The following CLNK variants were observed in gnomAD, a reference collection of about 807,000 sequenced individuals.
The protein encoded by CLNK is cytokine-dependent hematopoietic cell linker.
Under a neutral mutation model 68.6 loss-of-function variants are expected in CLNK, and 74 were observed. That is an observed-to-expected ratio of 1.08 (90% CI 0.89 to 1.31). The LOEUF (loss-of-function observed/expected upper bound fraction) is 1.31. Ranked by LOEUF, CLNK falls within the 50% of genes most tolerant of loss-of-function variation. The probability of loss-of-function intolerance (pLI) is 0.00; values close to 1 mark genes in which losing one functional copy is unlikely to be tolerated. For synonymous variants in CLNK, 198 were observed against 172.2 expected, an observed-to-expected ratio of 1.15 and a Z score of -1.17; for missense variants, 553 against 515.3, an observed-to-expected ratio of 1.07 and a Z score of -0.71.
At chr4:10,678,820 C>T (rs572328673) in intron 1 of CLNK, among the ~76,000 whole-genome samples, 1 of 152,210 alleles carries the variant, frequency 6.6e-6, no homozygotes, top group East Asian at 1.9e-4. Context: ...TGTGAAGGAC[C>T]TCTTCAAGGA....
At chr4:10,684,628 A>ATTTCCC (rs1560278858) in intron 1 of CLNK, 40 bp downstream of exon 1, 1 of 152,274 alleles carries the variant, frequency 6.6e-6, no homozygotes, top group Admixed American at 6.5e-5. Context: ...GGAGATGACC[A>ATTTCCC]TGAGATCCTC....
chr4:10,505,189 G>A (rs1174727556), intron 17 of CLNK, among the ~76,000 whole-genome samples: 1 of 152,190 alleles, frequency 6.6e-6, no homozygotes, highest in East Asian at 1.9e-4. Flanking sequence ...CCAAGGCATG[G>A]CCAGATTCCC....
At chr4:10,519,655 G>GGCCCA (rs1717978996) in intron 15 of CLNK, among the ~76,000 whole-genome samples, 1 of 152,186 alleles carries the variant, frequency 6.6e-6, no homozygotes, top group South Asian at 2.1e-4. Context: ...TCCAGCCTCA[G>GGCCCA]GCCCAGATGG....
chr4:10,712,725 AG>A, the CLNK span, among the ~76,000 whole-genome samples: 1 of 152,204 alleles, frequency 6.6e-6, no homozygotes, highest in Non-Finnish European at 1.5e-5. Context: ...GGACAGTGGG[AG>A]GGACAAAATT....
intron 2 of CLNK, among the ~76,000 whole-genome samples, chr4:10,664,953 G>A (rs1191637721): frequency 2.6e-5 from 4 of 152,290 alleles, no homozygotes; most frequent in East Asian, 1.9e-4. Flanking sequence ...AATCCCATAC[G>A]GATTGACTGG....
chr4:10,685,835 G>C (rs1041429837), upstream of CLNK, among the ~76,000 whole-genome samples: 1 of 152,148 alleles, frequency 6.6e-6, no homozygotes, highest in African/African-American at 2.4e-5. Flanking sequence ...TGTGAAAACT[G>C]AAGACTAGGG....
chr4:10,634,924 T>C (rs1036616562), intron 2 of CLNK, among the ~76,000 whole-genome samples: 1 of 152,158 alleles, frequency 6.6e-6, no homozygotes, highest in South Asian at 2.1e-4. Flanking sequence ...CTCTCCCCCT[T>C]GCATGGCTCC....
intron 7 of CLNK, among the ~76,000 whole-genome samples, chr4:10,561,415 A>G (rs1340661685): frequency 1.3e-5 from 2 of 152,236 alleles, no homozygotes; most frequent in Non-Finnish European, 1.5e-5. Context: ...GAAGGAATAG[A>G]AAGTGTAAGA....
intron 14 of CLNK, among the ~76,000 whole-genome samples, chr4:10,523,387 G>A (rs1327998340): frequency 1.3e-5 from 2 of 152,190 alleles, no homozygotes; most frequent in African/African-American, 4.8e-5. Flanking sequence ...GCAGAAGATA[G>A]GGATTTGGGA....
intron 2 of CLNK, among the ~76,000 whole-genome samples, chr4:10,610,046 T>G (rs1195185684): frequency 0.011 from 25 of 2,354 alleles, 3 homozygotes; most frequent in Admixed American, 0.039. Context: ...TTTTTTTTTT[T>G]TTTTTTTTTT....
the CLNK span, among the ~76,000 whole-genome samples, chr4:10,692,475 TGA>T: frequency 3.9e-5 from 6 of 152,200 alleles, no homozygotes; most frequent in Admixed American, 3.9e-4. Flanking sequence ...GCGAACGCTC[TGA>T]GACTGGGGTT....
intron 10 of CLNK, 35 bp from the exon 11 acceptor site, chr4:10,540,639 T>A (rs1309314388): frequency 1.3e-6 from 2 of 1,483,388 alleles, no homozygotes; most frequent in African/African-American, 2.8e-5. Context: ...CCTGAGAAAG[T>A]TTGCTGCAGC....
At chr4:10,500,144 C>G (rs1315100828) in intron 18 of CLNK, among the ~76,000 whole-genome samples, 4 of 152,146 alleles carry the variant, frequency 2.6e-5, no homozygotes, top group Non-Finnish European at 5.9e-5. Flanking sequence ...GAAATTGAAG[C>G]CCAGAGAAGT....
chr4:10,680,572 T>G (rs1725059216), intron 1 of CLNK, among the ~76,000 whole-genome samples: 1 of 152,142 alleles, frequency 6.6e-6, no homozygotes, highest in Admixed American at 6.5e-5. Context: ...TAAGGAAGGT[T>G]TGTTTAAATA....
chr4:10,676,523 T>A (rs988283263), intron 1 of CLNK, among the ~76,000 whole-genome samples: 2 of 151,824 alleles, frequency 1.3e-5, no homozygotes. Flanking sequence ...CTCAAGGCAA[T>A]GTGACTGTGC....
At chr4:10,698,199 T>C in the CLNK span, among the ~76,000 whole-genome samples, 8 of 152,152 alleles carry the variant, frequency 5.3e-5, no homozygotes, top group Non-Finnish European at 1.2e-4. Context: ...GAGAGTGGTG[T>C]CATTGGTGGT....
At chr4:10,561,716 C>G (rs1719893926) in intron 7 of CLNK, among the ~76,000 whole-genome samples, 3 of 152,128 alleles carry the variant, frequency 2.0e-5, no homozygotes, top group South Asian at 2.1e-4. Context: ...CTCAGACAGC[C>G]CCTGGGGGAC....
intron 2 of CLNK, among the ~76,000 whole-genome samples, chr4:10,654,469 G>A (rs1723883836): frequency 1.4e-5 from 2 of 145,608 alleles, no homozygotes; most frequent in Non-Finnish European, 3.0e-5. Context: ...CTGAAAACAA[G>A]CTTTGCATTT....
chr4:10,497,027 C>CCCTTA (rs1716837028), intron 18 of CLNK, among the ~76,000 whole-genome samples: 2 of 152,122 alleles, frequency 1.3e-5, no homozygotes, highest in African/African-American at 4.8e-5. Context: ...TTCAAGATGC[C>CCCTTA]AAGAATCTGG....
Sources: allele counts gnomAD v4.1 joint callset (sites outside exome capture counted in the v4.1 genomes callset), GRCh38; gene constraint gnomAD v4.1.1; transcripts MANE v1.5; gene names NCBI Gene and HGNC (gene_info 2026-07-23, HGNC 2026-07-21).